The following FAM117A variants were observed in gnomAD, a reference collection of about 807,000 sequenced individuals.
The protein encoded by FAM117A is protein FAM117A.
FAM117A carries 21 observed loss-of-function variants against 44.1 expected under a neutral mutation model. The ratio of observed to expected loss-of-function variants is 0.48; its 90% CI spans 0.34 to 0.69. The LOEUF (loss-of-function observed/expected upper bound fraction) is 0.69, where lower values mean the gene tolerates loss of function less well. Among genes scored for constraint, FAM117A ranks in the 30% least tolerant of loss-of-function variants. The pLI, the probability that FAM117A is intolerant of heterozygous loss-of-function variation, is 0.01. For missense variants in FAM117A, 498 were observed against 589.9 expected, an observed-to-expected ratio of 0.84 and a Z score of 1.61; for synonymous variants, 220 against 238.3, an observed-to-expected ratio of 0.92 and a Z score of 0.71.
chr17:49,724,805 G>A (rs577457091), intron 2 of FAM117A, among the ~76,000 whole-genome samples: 1 of 127,950 alleles, frequency 7.8e-6, no homozygotes, highest in African/African-American at 3.0e-5. Context: ...CTGGGCGACA[G>A]AGCAAGACAG....
At chr17:49,713,003 G>C (rs1167756606) in intron 7 of FAM117A, among the ~76,000 whole-genome samples, 1 of 152,100 alleles carries the variant, frequency 6.6e-6, no homozygotes, top group Non-Finnish European at 1.5e-5. Context: ...AGCTTCCCAA[G>C]GAGCTGGGAT....
chr17:49,727,215 G>A (rs942558447), intron 2 of FAM117A, among the ~76,000 whole-genome samples: 9 of 151,966 alleles, frequency 5.9e-5, no homozygotes, highest in African/African-American at 2.2e-4. Flanking sequence ...AGACCAGCCT[G>A]GTCAACATGG....
chr17:49,758,008 C>T (rs147708940), intron 1 of FAM117A, among the ~76,000 whole-genome samples: 2 of 152,310 alleles, frequency 1.3e-5, no homozygotes, highest in East Asian at 3.9e-4. Flanking sequence ...GGGAGCGACA[C>T]CCAAAGTTTT....
At chr17:49,725,973 C>A (rs544330650) in intron 2 of FAM117A, among the ~76,000 whole-genome samples, 1 of 152,218 alleles carries the variant, frequency 6.6e-6, no homozygotes, top group Non-Finnish European at 1.5e-5. Context: ...CCAGCAGCCA[C>A]CAGAAGCTAG....
chr17:49,779,956 GA>G (rs1487378624), intron 1 of FAM117A, among the ~76,000 whole-genome samples: 1 of 152,230 alleles, frequency 6.6e-6, no homozygotes, highest in Admixed American at 6.5e-5. Context: ...AGACTAGCAA[GA>G]AAATCGTTCT....
chr17:49,720,677 C>G (rs542556952), intron 3 of FAM117A, among the ~76,000 whole-genome samples: 1 of 152,126 alleles, frequency 6.6e-6, no homozygotes, highest in Non-Finnish European at 1.5e-5. Context: ...AAATATACAA[C>G]ATGGAAACCA....
intron 1 of FAM117A, among the ~76,000 whole-genome samples, chr17:49,783,107 G>C (rs2073794708): frequency 6.6e-6 from 1 of 152,246 alleles, no homozygotes; most frequent in Non-Finnish European, 1.5e-5. Context: ...GTAAGTGAAT[G>C]TGGGCATGGA....
intron 1 of FAM117A, among the ~76,000 whole-genome samples, chr17:49,757,893 A>G (rs1168105481): frequency 6.6e-6 from 1 of 152,230 alleles, no homozygotes; most frequent in Non-Finnish European, 1.5e-5. Context: ...GTGACAAAGA[A>G]GGGTAACATG....
At chr17:49,723,743 G>A (rs180968047) in intron 2 of FAM117A, among the ~76,000 whole-genome samples, 188 of 152,218 alleles carry the variant, frequency 1.2e-3, no homozygotes, top group Middle Eastern at 3.4e-3. Context: ...AAGCTTGTGA[G>A]AGCAGACGGC....
upstream of FAM117A, chr17:49,788,905 G>C: frequency 1.3e-6 from 2 of 1,491,296 alleles, no homozygotes; most frequent in South Asian, 1.3e-5. Flanking sequence ...ATTGAGCACC[G>C]TGACGCAGTT....
intron 2 of FAM117A, among the ~76,000 whole-genome samples, chr17:49,729,503 CTTTTTTTTTTT>C (rs3034927): frequency 2.2e-5 from 2 of 92,224 alleles, no homozygotes; most frequent in East Asian, 2.9e-4. Context: ...TGGCATCAGT[CTTTTTTTTTTT>C]TTTTTTTTTT....
chr17:49,746,009 T>G (rs528143251), intron 1 of FAM117A, among the ~76,000 whole-genome samples: 11 of 152,228 alleles, frequency 7.2e-5, no homozygotes, highest in Non-Finnish European at 1.6e-4. Context: ...ATAATGATGG[T>G]ATTATGATTA....
chr17:49,726,413 T>C (rs183635068), intron 2 of FAM117A, among the ~76,000 whole-genome samples: 1 of 152,258 alleles, frequency 6.6e-6, no homozygotes, highest in East Asian at 1.9e-4. Flanking sequence ...GGTTTCACCA[T>C]GTTGGTCAGG....
rs964812779 is a variant in FAM117A, at chr17:49,787,687, G to A, written c.-621+810C>T. On this transcript the variant is annotated intron_variant, in intron 1 of 7. Transcript: ENST00000513602. ...CCTCTCAAGGCCTTTCCTCCGGAGA[G>A]GTTAAATCCTCAACGCCTGCTCTCC... Among the ~76,000 whole-genome samples the A allele has an allele frequency of 6.6e-5, 10 of 152,202 alleles. No individual in the cohort carries two copies. In the East Asian group the frequency reaches 1.9e-3, roughly 29 times the overall value.
intron 1 of FAM117A, among the ~76,000 whole-genome samples, chr17:49,734,857 G>T (rs1324091282): frequency 6.6e-6 from 1 of 152,182 alleles, no homozygotes; most frequent in Non-Finnish European, 1.5e-5. Context: ...TCTTCAAAAG[G>T]AAGGCAATTC....
chr17:49,786,289 G>A lies in FAM117A; in HGVS notation c.-621+2208C>T, dbSNP rs939452847. On this transcript the variant is annotated intron_variant, in intron 1 of 7. Transcript: ENST00000513602. Reference sequence around the variant, plus strand: ...CTAGCATAAGAAATTAACTAACGTCGAACATCTGTAATGCTGGTATTTGTG... The same window carrying A: ...CTAGCATAAGAAATTAACTAACGTCAAACATCTGTAATGCTGGTATTTGTG... Among the ~76,000 whole-genome samples the A allele has an allele frequency of 5.3e-5, 8 of 152,228 alleles. 1 individual carries two copies. Among genetic ancestry groups the A allele is most frequent in the African/African-American group, 1.7e-4 (7 of 41,514 alleles).
intron 2 of FAM117A, among the ~76,000 whole-genome samples, chr17:49,728,207 A>G (rs2073568581): frequency 1.3e-5 from 2 of 152,178 alleles, no homozygotes; most frequent in Admixed American, 1.3e-4. Flanking sequence ...AGGCCCCCAC[A>G]CCCACAAAGA....
At chr17:49,721,224 T>TATC (rs2073532727) in intron 3 of FAM117A, among the ~76,000 whole-genome samples, 1 of 152,230 alleles carries the variant, frequency 6.6e-6, no homozygotes, top group Non-Finnish European at 1.5e-5. Flanking sequence ...TACTACAGAT[T>TATC]ATCATCAACA....
In FAM117A at chr17:49,732,542, C is replaced by G; in HGVS notation, c.366+9G>C. 1 of 1,614,034 alleles carries G rather than the reference C, an allele frequency of 6.2e-7. No homozygotes were observed. ...TATCCCTTATCCCATCAGGAGAGAGCTTCATTACCTGGGTGGCCTTGTCAT... is the reference window on the plus strand; with the variant it reads ...TATCCCTTATCCCATCAGGAGAGAGGTTCATTACCTGGGTGGCCTTGTCAT... On this transcript the variant is annotated intron_variant, in intron 2 of 7. Coordinates refer to ENST00000240364, the MANE Select transcript of FAM117A (RefSeq NM_030802.4).
Sources: allele counts gnomAD v4.1 joint callset (sites outside exome capture counted in the v4.1 genomes callset), GRCh38; gene constraint gnomAD v4.1.1; transcripts MANE v1.5; gene names NCBI Gene and HGNC (gene_info 2026-07-23, HGNC 2026-07-21).